Variants in DTWD2 observed in about 807,000 individuals in gnomAD.
DTWD2 encodes DTW motif tRNA-uridine aminocarboxypropyltransferase 2, also known as tRNA-uridine aminocarboxypropyltransferase 2.
DTWD2 carries 39 observed loss-of-function variants against 31.8 expected under a neutral mutation model. The observed-to-expected ratio is 1.22, with a 90% CI of 0.95 to 1.60. The LOEUF (loss-of-function observed/expected upper bound fraction) is 1.60. Among genes scored for constraint, DTWD2 ranks in the 40% most tolerant of loss-of-function variants. The probability of loss-of-function intolerance (pLI) is 0.00; values close to 1 mark genes in which losing one functional copy is unlikely to be tolerated. For missense variants in DTWD2, 515 were observed against 381.5 expected (o/e 1.35, Z -2.92); for synonymous variants, 180 against 142.8 (o/e 1.26, Z -1.86).
intron 4 of DTWD2, among the ~76,000 whole-genome samples, chr5:118,881,889 CAG>C (rs1189680959): frequency 2.0e-5 from 3 of 152,170 alleles, no homozygotes; most frequent in Admixed American, 1.3e-4. Context: ...GGTGGGGACA[CAG>C]AGTCAAACTA....
At chr5:118,872,736 TAAAC>T (rs1752533874) in intron 4 of DTWD2, among the ~76,000 whole-genome samples, 1 of 152,216 alleles carries the variant, frequency 6.6e-6, no homozygotes, top group Admixed American at 6.5e-5. Context: ...ACCAAAATGT[TAAAC>T]AGACATGATC....
chr5:118,840,845 T>C lies in DTWD2; in HGVS notation c.*72A>G, dbSNP rs1371338424. The C allele has an allele frequency of 1.3e-5, 19 of 1,516,722 alleles. No individual in the cohort carries two copies. The highest frequency in any genetic ancestry group is 1.7e-5 in the Non-Finnish European group (19 of 1,129,088). The allele number at this position is 1,516,722 out of a possible 1,614,324, so 94.0% of individuals were successfully genotyped here. ...TTAGCAAGTCAAAAACCTACAGACC[T>C]TAACTATATGAAAACTTAATTTGGT... On this transcript the variant is annotated 3_prime_UTR_variant, in exon 6 of 6. Transcript: ENST00000510708.
In DTWD2 at chr5:118,924,507, G is replaced by A. The variant is rs540037239; in HGVS notation, c.597+4030C>T. Among the ~76,000 whole-genome samples the A allele has an allele frequency of 2.6e-5, 4 of 152,214 alleles. No homozygotes were observed. The East Asian group carries it at 7.7e-4, about 29-fold the overall frequency. On this transcript the variant is annotated intron_variant, in intron 4 of 5. Transcript: ENST00000510708. ...TATTTGTATCCATCTACTAAGGCAGGCCCCTAGGAAAGCCTATTATGTAAT... is the reference window on the plus strand; with the variant it reads ...TATTTGTATCCATCTACTAAGGCAGACCCCTAGGAAAGCCTATTATGTAAT...
rs140412367 is a variant in DTWD2 at position 118,837,022 on chromosome 5, G to C, written c.*3895C>G. Among the ~76,000 whole-genome samples the C allele has an allele frequency of 6.6e-6, 1 of 152,112 alleles. No individual in the cohort carries two copies. The highest frequency in any genetic ancestry group is 2.1e-4 in the South Asian group (1 of 4,830). ...TAAATATAAAATTGTAAACTGTTAA[G>C]ACCACTACAGTATCTTTTGTTTAAA... On this transcript the variant is annotated 3_prime_UTR_variant, in exon 6 of 6. Transcript: ENST00000510708.
chr5:118,885,843 T>C (rs570689208), intron 4 of DTWD2, among the ~76,000 whole-genome samples: 2 of 152,164 alleles, frequency 1.3e-5, no homozygotes, highest in South Asian at 4.1e-4. Flanking sequence ...CATGCAACTG[T>C]AGTCCCAGCT....
intron 5 of DTWD2, among the ~76,000 whole-genome samples, chr5:118,842,596 G>C (rs989204499): frequency 1.3e-5 from 2 of 151,976 alleles, no homozygotes; most frequent in Admixed American, 1.3e-4. Context: ...AAAACCCCAT[G>C]TGAATTAACC....
chr5:118,928,714 T>TG lies in DTWD2; in HGVS notation c.419dup (p.Thr141AsnfsTer16). 1.3e-6 allele frequency: 2 copies of TG among 1,571,512 alleles called. No individual in the cohort carries two copies. Among genetic ancestry groups the TG allele is most frequent in the Non-Finnish European group, 1.7e-6 (2 of 1,161,444 alleles). On this transcript the variant is annotated frameshift_variant, in exon 4 of 6. Transcript: ENST00000510708. LOFTEE classifies it high-confidence loss of function. Reference sequence around the variant, plus strand: ...ATGTACCAGACTTCCGGCAAACAGTTGAAAGTTCAGGATCTCTGAAAAAGT... The same window carrying TG: ...ATGTACCAGACTTCCGGCAAACAGTTGGAAAGTTCAGGATCTCTGAAAAAGT...
At chr5:118,973,664 TCCTTGCTCG>T in intron 1 of DTWD2, 1 of 726,272 alleles carries the variant, frequency 1.4e-6, no homozygotes, top group African/African-American at 2.0e-5. Flanking sequence ...CGCGGCAGCC[TCCTTGCTCG>T]CCGCAGCCGC....
intron 4 of DTWD2, among the ~76,000 whole-genome samples, chr5:118,888,250 T>A (rs1752908952): frequency 6.6e-6 from 1 of 152,190 alleles, no homozygotes. Context: ...GCGTCTCTCC[T>A]TCTCTTTCCT....
At chr5:118,941,853 T>G (rs1473390779) in intron 2 of DTWD2, among the ~76,000 whole-genome samples, 1 of 152,232 alleles carries the variant, frequency 6.6e-6, no homozygotes, top group Non-Finnish European at 1.5e-5. Context: ...GTTTCCTGAC[T>G]TTTTAATGAT....
chr5:118,885,892 C>A lies in DTWD2; in HGVS notation c.598-37674G>T, dbSNP rs552757653. ...AGGTGTAAGGATCCCTTTTACCTGG[C>A]AGGTTGAGGCTGCAATAAGCTGTGA... is the stretch of plus-strand genomic sequence containing the variant. On this transcript the variant is annotated intron_variant, in intron 4 of 5. Coordinates refer to ENST00000510708, the MANE Select transcript of DTWD2 (RefSeq NM_173666.4). Among the ~76,000 whole-genome samples, 3 of 152,194 alleles carry A rather than the reference C, an allele frequency of 2.0e-5. No homozygotes were observed. In the East Asian group the frequency reaches 5.8e-4, roughly 29 times the overall value.
At chr5:118,896,052 AT>A (rs978590091) in intron 4 of DTWD2, among the ~76,000 whole-genome samples, 5 of 152,360 alleles carry the variant, frequency 3.3e-5, no homozygotes, top group East Asian at 3.9e-4. Flanking sequence ...ATATAAAAAA[AT>A]AATGGTTGAA....
At chr5:118,971,130 A>G (rs1754975656) in intron 1 of DTWD2, among the ~76,000 whole-genome samples, 1 of 152,206 alleles carries the variant, frequency 6.6e-6, no homozygotes. Flanking sequence ...AAACTCACAC[A>G]TAACAATATT....
chr5:118,881,166 T>C (rs1422423253), intron 4 of DTWD2, among the ~76,000 whole-genome samples: 1 of 152,210 alleles, frequency 6.6e-6, no homozygotes, highest in Non-Finnish European at 1.5e-5. Flanking sequence ...TTTAAATTCA[T>C]ACAGAAAAAG....
At chr5:118,968,279 T>A (rs299202) in intron 1 of DTWD2, among the ~76,000 whole-genome samples, 5 of 151,788 alleles carry the variant, frequency 3.3e-5, no homozygotes, top group African/African-American at 1.2e-4. Flanking sequence ...CAATGTGGGA[T>A]GCTGAGTTAG....
intron 4 of DTWD2, among the ~76,000 whole-genome samples, chr5:118,885,435 C>CA (rs1752840124): frequency 8.1e-6 from 1 of 123,492 alleles, no homozygotes; most frequent in Non-Finnish European, 1.6e-5. Flanking sequence ...CCAGCCTGGG[C>CA]GACAGAGCAA....
intron 4 of DTWD2, among the ~76,000 whole-genome samples, chr5:118,867,868 C>T (rs1424089431): frequency 1.3e-5 from 2 of 152,150 alleles, no homozygotes; most frequent in Admixed American, 6.5e-5. Context: ...CAAACCAACG[C>T]AATTCCTATC....
intron 3 of DTWD2, among the ~76,000 whole-genome samples, chr5:118,931,503 CAT>C (rs1261054979): frequency 2.0e-5 from 3 of 151,128 alleles, no homozygotes; most frequent in Non-Finnish European, 2.9e-5. Flanking sequence ...AAAGGCATTA[CAT>C]AATAACAAGA....
At chr5:118,842,919 C>CAGTCATT (rs1751753023) in intron 5 of DTWD2, among the ~76,000 whole-genome samples, 1 of 150,976 alleles carries the variant, frequency 6.6e-6, no homozygotes, top group Non-Finnish European at 1.5e-5. Context: ...TGCACTCCAG[C>CAGTCATT]CTTGGTGACA....
Sources: gnomAD v4.1 joint callset for allele counts (sites outside exome capture counted in the v4.1 genomes callset) on GRCh38, gnomAD v4.1.1 for gene constraint, MANE v1.5 for transcripts, NCBI Gene and HGNC (gene_info 2026-07-23, HGNC 2026-07-21) for gene names.